The following KIF2A variants were observed in gnomAD, a reference collection of about 807,000 sequenced individuals.
The protein encoded by KIF2A is kinesin family member 2A.
A neutral mutation model predicts 100.2 loss-of-function variants in KIF2A; 22 were observed. The ratio of observed to expected loss-of-function variants is 0.22; its 90% confidence interval spans 0.16 to 0.31. The LOEUF is 0.31. Among genes scored for constraint, KIF2A ranks in the 10% least tolerant of loss-of-function variants. KIF2A has a pLI of 1.00. For missense variants in KIF2A, 495 were observed against 898.7 expected (o/e 0.55, Z 5.74); for synonymous variants, 268 against 285.9 (o/e 0.94, Z 0.63).
chr5:62,359,692 G>A (rs1748293194), intron 9 of KIF2A, among the ~76,000 whole-genome samples: 2 of 152,030 alleles, frequency 1.3e-5, no homozygotes, highest in Admixed American at 1.3e-4. Flanking sequence ...CTGTGTGTAT[G>A]ATTTAGTAAA....
chr5:62,355,245 A>G lies in KIF2A; in HGVS notation c.645A>G (p.Thr215=). Residue 215 remains threonine (T), a synonymous_variant, in exon 7 of 21, where the codon ACA becomes ACG. Coordinates refer to ENST00000407818, the MANE Select transcript of KIF2A (RefSeq NM_001098511.3). ...GTTTGGATTATAGACCATTAACAAC[A>G]GCAGATCCTGTAAGATTCTTTGTAA... ...RGSLDYRPLT[T]ADPIDEHRIC... is the part of the protein sequence containing the mutation. The G allele has an allele frequency of 1.3e-6, 2 of 1,496,064 alleles. No individual in the cohort carries two copies. Among genetic ancestry groups the G allele is most frequent in the Non-Finnish European group, 1.9e-6 (2 of 1,076,862 alleles). The allele number at this position is 1,496,064 out of a possible 1,614,324, so 92.7% of individuals were successfully genotyped here. A position where few individuals can be genotyped will look rare whatever the true frequency, so the allele number is the denominator to read the frequency against.
intron 1 of KIF2A, among the ~76,000 whole-genome samples, chr5:62,346,727 G>A (rs907999372): frequency 3.3e-5 from 5 of 152,140 alleles, no homozygotes; most frequent in Non-Finnish European, 4.4e-5. Flanking sequence ...GTAACAGAGC[G>A]AGACTGTCTC....
intron 1 of KIF2A, among the ~76,000 whole-genome samples, chr5:62,314,758 G>GTTTTTTTTTTT (rs34987605): frequency 9.9e-6 from 1 of 100,914 alleles, no homozygotes; most frequent in African/African-American, 3.7e-5. Flanking sequence ...AGAATGAACT[G>GTTTTTTTTTTT]TTTTTTTTTT....
chr5:62,360,867 A>G (rs1437144172), intron 9 of KIF2A, among the ~76,000 whole-genome samples: 1 of 152,170 alleles, frequency 6.6e-6, no homozygotes, highest in East Asian at 1.9e-4. Context: ...TAGATGGTCT[A>G]TAGATAATAT....
chr5:62,324,771 AGCAAGTACCATTCTGGGCATTG>A (rs1426083381), intron 1 of KIF2A, among the ~76,000 whole-genome samples: 2 of 152,228 alleles, frequency 1.3e-5, no homozygotes, highest in Non-Finnish European at 2.9e-5. Context: ...AAGAAAACCT[AGCAAGTACCATTCTGGGCATTG>A]GCCTTATCAA....
At chr5:62,306,639 G>A (rs1327373512) in intron 1 of KIF2A, 103 bp downstream of exon 1, 3 of 959,416 alleles carry the variant, frequency 3.1e-6, no homozygotes, top group Admixed American at 2.5e-5. Context: ...TCGCCGGGCT[G>A]TGGGGGTGGG....
At chr5:62,308,484 G>A in intron 1 of KIF2A, 1 of 768,362 alleles carries the variant, frequency 1.3e-6, no homozygotes, top group Non-Finnish European at 2.2e-6. Context: ...AGCCAAGATA[G>A]GGAAGCAACC....
At chr5:62,351,146 C>T (rs897744580) in intron 4 of KIF2A, among the ~76,000 whole-genome samples, 8 of 151,990 alleles carry the variant, frequency 5.3e-5, no homozygotes, top group African/African-American at 9.7e-5. Context: ...GCAGGAGGAT[C>T]GCTTGAACCC....
intron 1 of KIF2A, chr5:62,311,716 T>A (rs1745559851): frequency 6.6e-6 from 1 of 152,210 alleles, no homozygotes; most frequent in African/African-American, 2.4e-5. Context: ...ATTATGTGAT[T>A]GATTATGGGG....
At chr5:62,384,595 T>C (rs1353577133) in intron 20 of KIF2A, among the ~76,000 whole-genome samples, 1 of 152,168 alleles carries the variant, frequency 6.6e-6, no homozygotes, top group Non-Finnish European at 1.5e-5. Context: ...GGGCCAAAAA[T>C]CATATCCAGT....
chr5:62,372,406 T>G, intron 16 of KIF2A, 32 bp from the exon 17 acceptor site: 1 of 1,197,744 alleles, frequency 8.3e-7, no homozygotes, highest in South Asian at 1.3e-5. Flanking sequence ...AAGAGCATTT[T>G]CTTTTAATTT....
chr5:62,340,792 A>C (rs1747255553), intron 1 of KIF2A, among the ~76,000 whole-genome samples: 1 of 152,160 alleles, frequency 6.6e-6, no homozygotes, highest in African/African-American at 2.4e-5. Flanking sequence ...GTTAAAGAAA[A>C]AAATTAAAAT....
At chr5:62,309,656 G>A (rs575754142) in intron 1 of KIF2A, among the ~76,000 whole-genome samples, 1 of 152,264 alleles carries the variant, frequency 6.6e-6, no homozygotes, top group South Asian at 2.1e-4. Context: ...GTAAAGAAGG[G>A]CTGCTTCAGA....
chr5:62,336,827 C>G (rs879333387), intron 1 of KIF2A, among the ~76,000 whole-genome samples: 1 of 152,056 alleles, frequency 6.6e-6, no homozygotes, highest in Admixed American at 6.5e-5. Flanking sequence ...AAAAAAGACT[C>G]AACGAAGTCA....
At position 62,361,345 on chromosome 5, in the gene KIF2A, T is replaced by C; in HGVS notation, c.963+13T>C. On this transcript the variant is annotated intron_variant, in intron 10 of 20. Transcript: ENST00000407818. Reference sequence around the variant, plus strand: ...TGGAAAAACTCATGTAAGTAATTTATTAAAGTTACATTCTGGTACGAAGCT... The same window carrying C: ...TGGAAAAACTCATGTAAGTAATTTACTAAAGTTACATTCTGGTACGAAGCT... 1 of 1,561,458 alleles carries C rather than the reference T, an allele frequency of 6.4e-7. No homozygotes were observed. Among genetic ancestry groups the C allele is most frequent in the Non-Finnish European group, 8.8e-7 (1 of 1,134,704 alleles).
At chr5:62,364,821 G>A (rs766970738) in intron 14 of KIF2A, among the ~76,000 whole-genome samples, 5 of 152,128 alleles carry the variant, frequency 3.3e-5, no homozygotes, top group Non-Finnish European at 7.4e-5. Context: ...TTGGCCAGGC[G>A]CAGTGGCTCA....
chr5:62,325,324 A>T (rs769476588), intron 1 of KIF2A, among the ~76,000 whole-genome samples: 10 of 151,948 alleles, frequency 6.6e-5, no homozygotes, highest in Non-Finnish European at 1.2e-4. Flanking sequence ...GGGTTTCGCC[A>T]TGTTGGCCAG....
Position 62,315,622 on chromosome 5 carries a change from G to GAGGGAGGATGATGAAGAAGATA in KIF2A, c.64+9095_64+9116dup, listed in dbSNP as rs1410897633. On this transcript the variant is annotated intron_variant, in intron 1 of 20. Coordinates refer to ENST00000407818, the MANE Select transcript of KIF2A (RefSeq NM_001098511.3). Reference sequence around the variant, plus strand: ...AGGTGAAGGGCATTTAAAACAGGCAGAGGGAGGATGATGAAGAAGATAAGG... The same window carrying GAGGGAGGATGATGAAGAAGATA: ...AGGTGAAGGGCATTTAAAACAGGCAGAGGGAGGATGATGAAGAAGATAAGGGAGGATGATGAAGAAGATAAGG... 3.3e-5 allele frequency among the ~76,000 whole-genome samples: 5 copies of GAGGGAGGATGATGAAGAAGATA among 152,328 alleles called. No individual in the cohort carries two copies. In the East Asian group the frequency reaches 9.7e-4, roughly 29 times the overall value.
chr5:62,341,182 T>TAGATC (rs577015273), intron 1 of KIF2A, among the ~76,000 whole-genome samples: 26 of 152,348 alleles, frequency 1.7e-4, no homozygotes, highest in African/African-American at 6.0e-4. Context: ...AGTTTAGTCT[T>TAGATC]AGATCAGATG....
Sources: allele counts gnomAD v4.1 joint callset (sites outside exome capture counted in the v4.1 genomes callset), GRCh38; gene constraint gnomAD v4.1.1; transcripts MANE v1.5; gene names NCBI Gene and HGNC (gene_info 2026-07-23, HGNC 2026-07-21).